Variants in DNMT3A observed in about 807,000 individuals in gnomAD.
DNMT3A encodes the protein DNA methyltransferase 3 alpha.
DNMT3A carries 267 observed loss-of-function variants against 117.6 expected under a neutral mutation model. The ratio of observed to expected loss-of-function variants is 2.27; its 90% confidence interval spans 2.05 to 2.51. DNMT3A has a LOEUF of 2.51. Among genes scored for constraint, DNMT3A ranks in the 30% most tolerant of loss-of-function variants. DNMT3A has a pLI of 0.00. For synonymous variants in DNMT3A, 432 were observed against 474.8 expected, an observed-to-expected ratio of 0.91 and a Z score of 1.17; for missense variants, 1,029 against 1,260.2, an observed-to-expected ratio of 0.82 and a Z score of 2.78.
intron 6 of DNMT3A, among the ~76,000 whole-genome samples, chr2:25,269,124 C>A (rs2030633628): frequency 6.6e-6 from 1 of 152,176 alleles, no homozygotes; most frequent in Admixed American, 6.5e-5. Context: ...GAGTTCGAGA[C>A]CAGCCAGGTC....
rs2033780729 is a variant in DNMT3A at position 25,306,360 on chromosome 2, T to A, written c.73-6117A>T. Among the ~76,000 whole-genome samples, 5 of 152,300 alleles carry A rather than the reference T, an allele frequency of 3.3e-5. No individual in the cohort carries two copies. In the South Asian group the frequency reaches 1.0e-3, roughly 32 times the overall value. Reference sequence around the variant, plus strand: ...CACCTCCCAAGGCTCATCAGCCCTTTATTTCAATTATTCAACAATATCCGA... The same window carrying A: ...CACCTCCCAAGGCTCATCAGCCCTTAATTTCAATTATTCAACAATATCCGA... On this transcript the variant is annotated intron_variant, in intron 2 of 22. Coordinates refer to ENST00000321117, the MANE Select transcript of DNMT3A (RefSeq NM_022552.5). This position sits in a 1 kb window ranked among gnomAD's most constrained non-coding sequence, Gnocchi z 4.1.
rs1175091304 is a variant in DNMT3A at position 25,235,755 on chromosome 2, AC to A, written c.2548del (p.Val850SerfsTer3). 2 of 1,614,086 alleles carry A rather than the reference AC, an allele frequency of 1.2e-6. No individual in the cohort carries two copies. The highest frequency in any genetic ancestry group is 8.5e-7 in the Non-Finnish European group (1 of 1,180,036). The stretch of plus-strand genomic sequence containing the variant: ...GATGTCCTCTTTCTCATTCATGAAG[AC>A]AGGAAAATGCTGGTCTTTGCCCTGC... ...IKQGKDQHFPVFMNEKEDILW... is the reference protein window; with the variant it reads ...IKQGKDQHFPXFMNEKEDILW... On this transcript the variant is annotated frameshift_variant, in exon 22 of 23. Coordinates refer to ENST00000321117, the MANE Select transcript of DNMT3A (RefSeq NM_022552.5). LOFTEE classifies it high-confidence loss of function.
intron 3 of DNMT3A, among the ~76,000 whole-genome samples, chr2:25,292,937 T>G (rs368724190): frequency 2.6e-5 from 4 of 151,686 alleles, no homozygotes; most frequent in African/African-American, 9.7e-5. Flanking sequence ...GGCCAGGACC[T>G]GTGGGAATGA....
intron 1 of DNMT3A, among the ~76,000 whole-genome samples, chr2:25,335,195 G>A (rs928327554): frequency 3.3e-5 from 5 of 151,916 alleles, no homozygotes; most frequent in African/African-American, 4.8e-5. Context: ...GAACAGACTC[G>A]CCTACCACCT....
intron 13 of DNMT3A, among the ~76,000 whole-genome samples, chr2:25,244,980 C>T (rs1674565402): frequency 6.6e-6 from 1 of 152,214 alleles, no homozygotes; most frequent in African/African-American, 2.4e-5. Flanking sequence ...TGAGCTTGTC[C>T]CCGCTGCTCT....
chr2:25,271,676 G>A (rs1287092037), intron 6 of DNMT3A, among the ~76,000 whole-genome samples: 2 of 152,148 alleles, frequency 1.3e-5, no homozygotes, highest in East Asian at 1.9e-4. Flanking sequence ...AACTTGTACT[G>A]GAATTCATGG....
At chr2:25,277,136 G>A (rs1221536620) in intron 4 of DNMT3A, among the ~76,000 whole-genome samples, 2 of 152,142 alleles carry the variant, frequency 1.3e-5, no homozygotes, top group African/African-American at 2.4e-5. Flanking sequence ...GGGACGGGGC[G>A]TCTTGTCGCG....
intron 6 of DNMT3A, among the ~76,000 whole-genome samples, chr2:25,272,993 A>T (rs1416090875): frequency 5.2e-5 from 1 of 19,358 alleles, no homozygotes; most frequent in Non-Finnish European, 1.0e-4. Flanking sequence ...TTTTTTTTTG[A>T]GACAGAGTTT....
Position 25,244,485 on chromosome 2 carries a change from C to T in DNMT3A, c.1667+55G>A, listed in dbSNP as rs540287366. On this transcript the variant is annotated intron_variant, in intron 14 of 22. Transcript: ENST00000321117. Reference sequence around the variant, plus strand: ...AAGGGAGAGGAGGGGAGGCGGTGGGCGGCGGGAGCCTGGGGCCCAGCTAAG... The same window carrying T: ...AAGGGAGAGGAGGGGAGGCGGTGGGTGGCGGGAGCCTGGGGCCCAGCTAAG... The T allele has an allele frequency of 5.5e-5, 88 of 1,591,254 alleles. 1 individual carries two copies. Among genetic ancestry groups the T allele is most frequent in the Middle Eastern group, 1.7e-4 (1 of 6,002 alleles).
At chr2:25,278,042 C>CACACACACACACACAG (rs150400657) in intron 4 of DNMT3A, among the ~76,000 whole-genome samples, 9 of 146,294 alleles carry the variant, frequency 6.2e-5, no homozygotes, top group Non-Finnish European at 1.0e-4. Flanking sequence ...CACACACAGA[C>CACACACACACACACAG]ACACACGCTT....
Position 25,252,421 on chromosome 2 carries a change from G to A in DNMT3A, c.640-4169C>T. On this transcript the variant is annotated intron_variant, in intron 6 of 22. Coordinates refer to ENST00000321117, the MANE Select transcript of DNMT3A (RefSeq NM_022552.5). This position sits in a 1 kb window ranked among gnomAD's most constrained non-coding sequence, Gnocchi z 5.5. ...CGCTGGAGGGCCTGGTTGGCTGCGAGCGGCCCGGGGAGGGGGCCGGCGCTC... is the reference window on the plus strand; with the variant it reads ...CGCTGGAGGGCCTGGTTGGCTGCGAACGGCCCGGGGAGGGGGCCGGCGCTC... The A allele has an allele frequency of 2.2e-6, 1 of 462,198 alleles. No individual in the cohort carries two copies. The highest frequency in any genetic ancestry group is 3.7e-6 in the Non-Finnish European group (1 of 270,004). The allele number at this position is 462,198 out of a possible 1,614,324, so 28.6% of individuals were successfully genotyped here.
chr2:25,243,866 C>A, intron 16 of DNMT3A, 32 bp downstream of exon 16: 2 of 1,551,108 alleles, frequency 1.3e-6, no homozygotes, highest in South Asian at 1.2e-5. Context: ...TGGGACAAGG[C>A]GGCCAGCACC....
intron 3 of DNMT3A, among the ~76,000 whole-genome samples, chr2:25,288,818 T>C (rs1356645852): frequency 6.6e-6 from 1 of 152,190 alleles, no homozygotes; most frequent in Non-Finnish European, 1.5e-5. Context: ...GTCACCACTC[T>C]TCTACTTTCT....
In DNMT3A at chr2:25,327,051, C is replaced by T. The variant is rs1260387427; in HGVS notation, c.-177-12890G>A. Among the ~76,000 whole-genome samples, 1 of 152,188 alleles carries T rather than the reference C, an allele frequency of 6.6e-6. No individual in the cohort carries two copies. The highest frequency in any genetic ancestry group is 1.5e-5 in the Non-Finnish European group (1 of 68,038). On this transcript the variant is annotated intron_variant, in intron 1 of 22. Coordinates refer to ENST00000321117, the MANE Select transcript of DNMT3A (RefSeq NM_022552.5). This position sits in a 1 kb window ranked among gnomAD's most constrained non-coding sequence, Gnocchi z 4.1. ...GAGACGTTGCCATCCAGGGAGCCAT[C>T]GCCACACCCTCTCCATCAAGGTGTG...
At chr2:25,273,312 AAGCT>A (rs1403348497) in intron 6 of DNMT3A, among the ~76,000 whole-genome samples, 1 of 152,056 alleles carries the variant, frequency 6.6e-6, no homozygotes, top group East Asian at 1.9e-4. Flanking sequence ...GGGGTTCACC[AAGCT>A]AGCCAGGCTG....
intron 4 of DNMT3A, among the ~76,000 whole-genome samples, chr2:25,276,650 G>A (rs1057301508): frequency 5.3e-5 from 8 of 152,188 alleles, no homozygotes; most frequent in African/African-American, 1.7e-4. Context: ...CGGAGGCTGC[G>A]GGGCTGGCTG....
Position 25,333,368 on chromosome 2 carries a change from C to T in DNMT3A, c.-178+8458G>A, listed in dbSNP as rs534042285. On this transcript the variant is annotated intron_variant, in intron 1 of 22. Coordinates refer to ENST00000321117, the MANE Select transcript of DNMT3A (RefSeq NM_022552.5). ...CTTTTGAGACGAAGTCTCACTCTGT[C>T]GCCCAGGCTGGAGTGCAGTGGCGCG... Among the ~76,000 whole-genome samples the T allele has an allele frequency of 1.2e-3, 180 of 151,474 alleles. 2 individuals are homozygous for T. The highest frequency in any genetic ancestry group is 4.1e-3 in the African/African-American group (171 of 41,294).
intron 6 of DNMT3A, among the ~76,000 whole-genome samples, chr2:25,250,440 G>T (rs923478942): frequency 6.6e-6 from 1 of 152,188 alleles, no homozygotes; most frequent in Non-Finnish European, 1.5e-5. Context: ...CTCATGGATG[G>T]CGGAATGAGC....
intron 16 of DNMT3A, among the ~76,000 whole-genome samples, chr2:25,243,545 A>C (rs1283152614): frequency 6.6e-6 from 1 of 152,230 alleles, no homozygotes. Context: ...GTGTATAATC[A>C]AAACACAACA....
Sources: gnomAD v4.1 joint callset for allele counts (sites outside exome capture counted in the v4.1 genomes callset) on GRCh38, gnomAD v4.1.1 for gene constraint, Gnocchi (gnomAD v3.1) non-coding constraint, MANE v1.5 for transcripts, NCBI Gene and HGNC (gene_info 2026-07-23, HGNC 2026-07-21) for gene names.